Variants in TLL1 observed in about 807,000 individuals in gnomAD.
TLL1 encodes tolloid-like protein 1.
TLL1 carries 49 observed loss-of-function variants against 128.2 expected under a neutral mutation model. The observed-to-expected ratio is 0.38, with a 90% confidence interval of 0.30 to 0.48. The LOEUF is 0.48. TLL1 is among the 20% of genes least tolerant of loss of function. The probability of loss-of-function intolerance (pLI) is 0.96; values close to 1 mark genes in which losing one functional copy is unlikely to be tolerated. For missense variants in TLL1, 1,123 were observed against 1,242.0 expected (o/e 0.90, Z 1.44); for synonymous variants, 454 against 418.8 (o/e 1.08, Z -1.03).
rs774053086 is a variant in TLL1, at chr4:166,057,202, A to G, written c.1739A>G (p.Lys580Arg). The change falls in exon 14 of 21, where the codon AAA becomes AGA. Residue 580 changes from lysine (K) to arginine (R), a missense_variant. By Grantham distance (26) the Lys-to-Arg change is conservative. Coordinates refer to ENST00000061240, the MANE Select transcript of TLL1 (RefSeq NM_012464.5). ...TTCATAGAGGAAGATGAGTGTGCCA[A>G]ACCTGACCGTGGAGGCTGTGAGCAG... ...NFFKEEDECA[K>R]PDRGGCEQRC... is the part of the protein sequence containing the mutation. 4 of 1,613,694 alleles carry G rather than the reference A, an allele frequency of 2.5e-6. No homozygotes were observed. The African/African-American group carries it at 5.3e-5, about 22-fold the overall frequency.
At chr4:166,062,102 G>A (rs138580708) in intron 15 of TLL1, among the ~76,000 whole-genome samples, 1,625 of 152,244 alleles carry the variant, frequency 0.011, 31 homozygotes, top group African/African-American at 0.037. Context: ...CCAGTACCAT[G>A]CTGTTTTAGT....
intron 19 of TLL1, among the ~76,000 whole-genome samples, chr4:166,093,382 T>C (rs1741868883): frequency 6.6e-6 from 1 of 152,194 alleles, no homozygotes; most frequent in Non-Finnish European, 1.5e-5. Context: ...TATGCCTGGA[T>C]GTGCACATAG....
intron 19 of TLL1, among the ~76,000 whole-genome samples, chr4:166,096,214 T>C (rs1200305432): frequency 8.9e-6 from 1 of 112,186 alleles, no homozygotes; most frequent in African/African-American, 2.9e-5. Context: ...GTCATGGGTG[T>C]GTGTGTGTGT....
At chr4:165,939,672 G>A (rs953590971) in intron 1 of TLL1, among the ~76,000 whole-genome samples, 1 of 151,936 alleles carries the variant, frequency 6.6e-6, no homozygotes, top group Non-Finnish European at 1.5e-5. Context: ...CTTCACCTCT[G>A]CTGGGCCACT....
At chr4:165,929,813 G>A (rs1023372427) in intron 1 of TLL1, among the ~76,000 whole-genome samples, 7 of 152,222 alleles carry the variant, frequency 4.6e-5, no homozygotes, top group Middle Eastern at 3.4e-3. Flanking sequence ...CCTGCTGTTC[G>A]TTGCTCAGGA....
intron 1 of TLL1, among the ~76,000 whole-genome samples, chr4:165,890,193 C>T (rs1466233063): frequency 2.0e-5 from 3 of 152,156 alleles, no homozygotes; most frequent in South Asian, 2.1e-4. Context: ...TTAACTCTCA[C>T]CATGTCCCTC....
chr4:166,074,853 A>T, intron 16 of TLL1, 25 bp from the exon 17 acceptor site: 1 of 1,612,260 alleles, frequency 6.2e-7, no homozygotes, highest in Non-Finnish European at 8.5e-7. Flanking sequence ...TACTTACTAG[A>T]CTATGGGATT....
At chr4:165,984,903 A>G (rs1365036656) in intron 1 of TLL1, among the ~76,000 whole-genome samples, 1 of 151,968 alleles carries the variant, frequency 6.6e-6, no homozygotes, top group Non-Finnish European at 1.5e-5. Flanking sequence ...TGGAATAGTT[A>G]AATATTTAGT....
intron 9 of TLL1, among the ~76,000 whole-genome samples, chr4:166,038,305 A>G (rs1035172610): frequency 1.3e-5 from 2 of 150,730 alleles, no homozygotes; most frequent in African/African-American, 4.9e-5. Context: ...TTGTATTTTC[A>G]CAAAAGGGAT....
At chr4:166,096,658 T>A (rs1742036506) in intron 19 of TLL1, among the ~76,000 whole-genome samples, 1 of 152,084 alleles carries the variant, frequency 6.6e-6, no homozygotes, top group Admixed American at 6.6e-5. Flanking sequence ...CCCCTGCAGC[T>A]CTTCCTGGGC....
At chr4:165,952,635 A>G (rs985014774) in intron 1 of TLL1, among the ~76,000 whole-genome samples, 3 of 152,134 alleles carry the variant, frequency 2.0e-5, no homozygotes, top group African/African-American at 7.2e-5. Flanking sequence ...TTATAGCCCC[A>G]GAATAGTGTA....
rs868638958 is a variant in TLL1, at chr4:165,878,729, T to G, written c.169+4656T>G. ...AAATTCAAAACCTAAGTGGAACCTCTTCTCTTAGCTAGTTGCTGTAATAAT... is the reference window on the plus strand; with the variant it reads ...AAATTCAAAACCTAAGTGGAACCTCGTCTCTTAGCTAGTTGCTGTAATAAT... On this transcript the variant is annotated intron_variant, in intron 1 of 20. Coordinates refer to ENST00000061240, the MANE Select transcript of TLL1 (RefSeq NM_012464.5). Among the ~76,000 whole-genome samples, 7 of 152,086 alleles carry G rather than the reference T, an allele frequency of 4.6e-5. No individual in the cohort carries two copies. The South Asian group carries it at 6.2e-4, about 14-fold the overall frequency.
At chr4:166,043,144 T>A (rs758733525) in intron 11 of TLL1, 130 bp from the exon 12 acceptor site, 2 of 1,264,872 alleles carry the variant, frequency 1.6e-6, no homozygotes, top group African/African-American at 3.0e-5. Context: ...ACCAGTCAAC[T>A]TTGATTTTTA....
At chr4:166,066,722 T>C (rs1267487830) in intron 16 of TLL1, among the ~76,000 whole-genome samples, 1 of 151,722 alleles carries the variant, frequency 6.6e-6, no homozygotes, top group Non-Finnish European at 1.5e-5. Flanking sequence ...AAGTTAATGG[T>C]TCACAAGCTC....
At chr4:165,956,399 G>A (rs1030693420) in intron 1 of TLL1, among the ~76,000 whole-genome samples, 1 of 152,002 alleles carries the variant, frequency 6.6e-6, no homozygotes, top group Non-Finnish European at 1.5e-5. Context: ...TCCCAGAGCG[G>A]CCGTTTATAG....
chr4:166,074,046 A>G (rs1174679393), intron 16 of TLL1, among the ~76,000 whole-genome samples: 1 of 152,116 alleles, frequency 6.6e-6, no homozygotes, highest in Non-Finnish European at 1.5e-5. Flanking sequence ...GATGAGTGAC[A>G]TAGAGTGATG....
intron 1 of TLL1, among the ~76,000 whole-genome samples, chr4:165,945,916 C>T (rs924453379): frequency 2.0e-5 from 3 of 152,212 alleles, no homozygotes; most frequent in Non-Finnish European, 2.9e-5. Flanking sequence ...AGGGATTATC[C>T]TAGATTTTTC....
At position 166,091,318 on chromosome 4, in the gene TLL1, G is replaced by T. The variant is rs764829482; in HGVS notation, c.2633G>T (p.Gly878Val). Reference protein sequence around the residue: ...FVSDASVQRKGFQATHSTECG... With the variant: ...FVSDASVQRKVFQATHSTECG... Reference sequence around the variant, plus strand: ...TCTGATGCATCTGTTCAAAGAAAAGGCTTTCAAGCTACACATTCTACAGGT... The same window carrying T: ...TCTGATGCATCTGTTCAAAGAAAAGTCTTTCAAGCTACACATTCTACAGGT... Residue 878 changes from glycine (G) to valine (V), a missense_variant, in exon 19 of 21, where the codon GGC becomes GTC. Around this residue, in one of 3 missense-constraint regions of TLL1, gnomAD observed 634 missense variants for 672.4 expected, o/e 0.94. Coordinates refer to ENST00000061240, the MANE Select transcript of TLL1 (RefSeq NM_012464.5). The T allele has an allele frequency of 5.0e-6, 8 of 1,612,654 alleles. No homozygotes were observed. Among genetic ancestry groups the T allele is most frequent in the Non-Finnish European group, 5.9e-6 (7 of 1,179,252 alleles).
intron 1 of TLL1, among the ~76,000 whole-genome samples, chr4:165,986,028 A>C (rs1301464185): frequency 6.7e-6 from 1 of 150,062 alleles, no homozygotes; most frequent in South Asian, 2.1e-4. Context: ...TTTTTTTTTT[A>C]GTTCTGATCT....
Sources: allele counts gnomAD v4.1 joint callset (sites outside exome capture counted in the v4.1 genomes callset), GRCh38; gene constraint gnomAD v4.1.1; regional missense constraint gnomAD v4.1.1; transcripts MANE v1.5; gene names NCBI Gene and HGNC (gene_info 2026-07-23, HGNC 2026-07-21).